Variants in CNTNAP4 observed in about 807,000 individuals in gnomAD.
The protein encoded by CNTNAP4 is contactin-associated protein-like 4.
Under a neutral mutation model 148.4 loss-of-function variants are expected in CNTNAP4, and 98 were observed. The observed-to-expected ratio is 0.66, with a 90% confidence interval of 0.56 to 0.78. The LOEUF is 0.78. Among genes scored for constraint, CNTNAP4 ranks in the 30% least tolerant of loss-of-function variants. CNTNAP4 has a pLI of 0.00. For missense variants in CNTNAP4, 1,935 were observed against 1,565.6 expected, an observed-to-expected ratio of 1.24 and a Z score of -3.98; for synonymous variants, 730 against 565.1, an observed-to-expected ratio of 1.29 and a Z score of -4.14.
At chr16:76,462,759 C>G (rs759149078) in intron 9 of CNTNAP4, among the ~76,000 whole-genome samples, 9 of 152,166 alleles carry the variant, frequency 5.9e-5, no homozygotes, top group Non-Finnish European at 1.2e-4. Context: ...CAAATTAAAA[C>G]AAATGTTCTT....
intron 7 of CNTNAP4, among the ~76,000 whole-genome samples, chr16:76,451,080 G>A (rs184999304): frequency 7.7e-4 from 117 of 152,314 alleles, no homozygotes; most frequent in South Asian, 7.5e-3. Flanking sequence ...ATGGGCCTGG[G>A]CTTGCTGTCG....
At chr16:76,495,514 A>G (rs1479397149) in intron 14 of CNTNAP4, among the ~76,000 whole-genome samples, 1 of 152,076 alleles carries the variant, frequency 6.6e-6, no homozygotes, top group African/African-American at 2.4e-5. Flanking sequence ...TCATACCACA[A>G]AGAACTAATG....
chr16:76,303,604 A>C (rs936039043), intron 1 of CNTNAP4, among the ~76,000 whole-genome samples: 1 of 152,162 alleles, frequency 6.6e-6, no homozygotes, highest in African/African-American at 2.4e-5. Flanking sequence ...CTGTATCATC[A>C]AAGGTGTCCA....
chr16:76,376,937 G>T (rs2015479931), intron 3 of CNTNAP4, among the ~76,000 whole-genome samples: 1 of 149,650 alleles, frequency 6.7e-6, no homozygotes, highest in Non-Finnish European at 1.5e-5. Context: ...GTGTGTGTGT[G>T]TGTGTGTGTG....
intron 8 of CNTNAP4, among the ~76,000 whole-genome samples, chr16:76,459,484 T>G (rs1392522782): frequency 6.6e-6 from 1 of 152,200 alleles, no homozygotes; most frequent in Non-Finnish European, 1.5e-5. Context: ...AAAGTGAGCT[T>G]CTGTGCCCTG....
intron 15 of CNTNAP4, among the ~76,000 whole-genome samples, chr16:76,502,095 G>C (rs12930092): frequency 6.6e-6 from 1 of 151,198 alleles, no homozygotes; most frequent in South Asian, 2.1e-4. Flanking sequence ...TTTACAAATA[G>C]TTTCAAGTAT....
intron 2 of CNTNAP4, among the ~76,000 whole-genome samples, chr16:76,343,567 A>G (rs573896387): frequency 6.6e-6 from 1 of 152,288 alleles, no homozygotes; most frequent in East Asian, 1.9e-4. Flanking sequence ...GTTAGGAGAT[A>G]CAACAACAAG....
At chr16:76,338,632 T>C (rs1964213664) in intron 2 of CNTNAP4, among the ~76,000 whole-genome samples, 1 of 152,172 alleles carries the variant, frequency 6.6e-6, no homozygotes, top group East Asian at 1.9e-4. Context: ...CTGCATCACC[T>C]GCTGATGTGC....
At chr16:76,326,744 A>C (rs1414157705) in intron 2 of CNTNAP4, among the ~76,000 whole-genome samples, 1 of 151,466 alleles carries the variant, frequency 6.6e-6, no homozygotes, top group Non-Finnish European at 1.5e-5. Context: ...GTGGGAATTG[A>C]ACAATGAGAA....
At chr16:76,366,813 CA>C (rs975745002) in intron 3 of CNTNAP4, among the ~76,000 whole-genome samples, 5 of 151,536 alleles carry the variant, frequency 3.3e-5, no homozygotes, top group African/African-American at 1.2e-4. Context: ...GTACAAGAAA[CA>C]AAAAAAGAAC....
intron 14 of CNTNAP4, 49 bp from the exon 15 acceptor site, chr16:76,498,518 A>C: frequency 6.4e-7 from 1 of 1,560,174 alleles, no homozygotes; most frequent in African/African-American, 1.4e-5. Context: ...CAATGCAATA[A>C]GGACTATTAA....
At chr16:76,467,206 A>G (rs1037181347) in intron 9 of CNTNAP4, 146 bp from the exon 10 acceptor site, 3 of 675,820 alleles carry the variant, frequency 4.4e-6, no homozygotes, top group Non-Finnish European at 7.3e-6. Context: ...ATTTAGATCA[A>G]ACTAATAATG....
At position 76,518,658 on chromosome 16, in the gene CNTNAP4, A is replaced by T. The variant is rs192573724; in HGVS notation, c.2366-2482A>T. ...TAATGATCCAGTCAGGGGACTTAGG[A>T]TATCCATCACCTTGAGCATTTATCA... On this transcript the variant is annotated intron_variant, in intron 15 of 23. Coordinates refer to ENST00000611870, the MANE Select transcript of CNTNAP4 (RefSeq NM_033401.5). Among the ~76,000 whole-genome samples the T allele has an allele frequency of 4.5e-3, 688 of 152,212 alleles. 5 individuals carry two copies. The highest frequency in any genetic ancestry group is 0.013 in the African/African-American group (558 of 41,516).
chr16:76,368,536 G>T (rs2014421778), intron 3 of CNTNAP4, among the ~76,000 whole-genome samples: 1 of 152,138 alleles, frequency 6.6e-6, no homozygotes, highest in Non-Finnish European at 1.5e-5. Flanking sequence ...CATGGATGAA[G>T]CTGGAAACCA....
chr16:76,378,445 T>C (rs2015645627), intron 3 of CNTNAP4, among the ~76,000 whole-genome samples: 1 of 152,108 alleles, frequency 6.6e-6, no homozygotes, highest in Admixed American at 6.6e-5. Flanking sequence ...GTGACAGATA[T>C]CTGTGATTGT....
intron 10 of CNTNAP4, among the ~76,000 whole-genome samples, chr16:76,470,634 G>C (rs921790983): frequency 2.6e-5 from 4 of 151,066 alleles, no homozygotes; most frequent in African/African-American, 9.8e-5. Context: ...TGGGCAACAA[G>C]AGTGAAACGC....
At chr16:76,368,089 C>T (rs2014369628) in intron 3 of CNTNAP4, among the ~76,000 whole-genome samples, 1 of 152,142 alleles carries the variant, frequency 6.6e-6, no homozygotes, top group African/African-American at 2.4e-5. Flanking sequence ...GCTCAGTAAT[C>T]TTGACAACCA....
chr16:76,454,576 TCTCTA>T (rs2080649311), intron 8 of CNTNAP4, among the ~76,000 whole-genome samples: 1 of 152,194 alleles, frequency 6.6e-6, no homozygotes, highest in Admixed American at 6.5e-5. Flanking sequence ...TTAAAAACTC[TCTCTA>T]CTCTTTTTTT....
At chr16:76,488,256 G>T (rs1408851790) in intron 12 of CNTNAP4, among the ~76,000 whole-genome samples, 1 of 152,128 alleles carries the variant, frequency 6.6e-6, no homozygotes, top group Non-Finnish European at 1.5e-5. Context: ...CTGCAACTCA[G>T]ATCTCTTAAT....
Sources: gnomAD v4.1 joint callset for allele counts (sites outside exome capture counted in the v4.1 genomes callset) on GRCh38, gnomAD v4.1.1 for gene constraint, MANE v1.5 for transcripts, NCBI Gene and HGNC (gene_info 2026-07-23, HGNC 2026-07-21) for gene names.